Variants in ITGB4 observed in about 807,000 individuals in gnomAD.
ITGB4 encodes the protein integrin beta-4.
Under a neutral mutation model 207.6 loss-of-function variants are expected in ITGB4, and 159 were observed. The ratio of observed to expected loss-of-function variants is 0.77; its 90% CI spans 0.67 to 0.87. ITGB4 has a LOEUF of 0.87. ITGB4 is among the 40% of genes least tolerant of loss of function. ITGB4 has a pLI of 0.00. For synonymous variants in ITGB4, 1,020 were observed against 1,062.7 expected, an observed-to-expected ratio of 0.96 and a Z score of 0.78; for missense variants, 2,278 against 2,546.8, an observed-to-expected ratio of 0.89 and a Z score of 2.27.
rs1440514895 is a variant in ITGB4, at chr17:75,732,601, G to C, written c.1454+362G>C. Among the ~76,000 whole-genome samples the C allele has an allele frequency of 6.6e-6, 1 of 152,140 alleles. No homozygotes were observed. Among genetic ancestry groups the C allele is most frequent in the Admixed American group, 6.6e-5 (1 of 15,256 alleles). ...CCTGATCAGAAGAGAGCTCGTAAAT[G>C]CACGGCAGTAAGGGCTTTAGCTTCA... On this transcript the variant is annotated intron_variant, in intron 12 of 39. Transcript: ENST00000200181. The surrounding 1 kb of genome is among the most constrained non-coding windows in gnomAD (Gnocchi z 5.3).
At position 75,743,878 on chromosome 17, in the gene ITGB4, G is replaced by A; in HGVS notation, c.3111+17G>A. ...GGCAACCGGGTGAGGCTGCGCCACA[G>A]GGTCGAGGGTGCAGCCCGGGGGGCT... On this transcript the variant is annotated intron_variant, in intron 26 of 39. Coordinates refer to ENST00000200181, the MANE Select transcript of ITGB4 (RefSeq NM_000213.5). The A allele has an allele frequency of 5.1e-6, 8 of 1,564,936 alleles. No homozygotes were observed. Among genetic ancestry groups the A allele is most frequent in the Non-Finnish European group, 6.9e-6 (8 of 1,155,418 alleles).
Position 75,742,353 on chromosome 17 carries a change from C to G in ITGB4, c.2646C>G (p.Thr882=), listed in dbSNP as rs2061129904. 6.2e-7 allele frequency: 1 copy of G among 1,613,310 alleles called. No individual in the cohort carries two copies. Among genetic ancestry groups the G allele is most frequent in the Non-Finnish European group, 8.5e-7 (1 of 1,180,054 alleles). Residue 882 remains threonine (T), a synonymous_variant, in exon 24 of 40, where the codon ACC becomes ACG. Coordinates refer to ENST00000200181, the MANE Select transcript of ITGB4 (RefSeq NM_000213.5). This position sits in a 1 kb window ranked among gnomAD's most constrained non-coding sequence, Gnocchi z 5.9. The stretch of plus-strand genomic sequence containing the variant: ...ACCCTCGACCCAGGCAAGACCACAC[C>G]ATTGTGGACACAGTGCTGATGGCGC... ...QPNAGKKQDH[T]IVDTVLMAPR...
chr17:75,745,671 G>A (rs567987718), intron 26 of ITGB4, among the ~76,000 whole-genome samples: 20 of 152,210 alleles, frequency 1.3e-4, no homozygotes, highest in African/African-American at 4.3e-4. Flanking sequence ...CTGAGGTCAC[G>A]AGTTCGAGAC....
chr17:75,730,573 T>TCTCCCTTC, intron 8 of ITGB4, 69 bp downstream of exon 8: 1 of 1,251,876 alleles, frequency 8.0e-7, no homozygotes, highest in Non-Finnish European at 1.1e-6. Flanking sequence ...CTCAGACACC[T>TCTCCCTTC]CTCCCTCCCT....
In ITGB4 at chr17:75,731,353, C is replaced by G; in HGVS notation, c.1200C>G (p.Ile400Met). Residue 400 changes from isoleucine to methionine, a missense_variant, in exon 10 of 40, where the codon ATC (isoleucine) becomes ATG (methionine). Physicochemically the swap from Ile to Met is conservative, Grantham distance 10. Transcript: ENST00000200181. This position sits in a 1 kb window ranked among gnomAD's most constrained non-coding sequence, Gnocchi z 6.8. ...FQKTRTGSFH[I>M]RRGEVGIYQV... The stretch of plus-strand genomic sequence containing the variant: ...AGACGAGGACTGGGTCCTTTCACAT[C>G]CGGCGGGGGGAAGTGGTACGCCTCT... 1 of 1,612,790 alleles carries G rather than the reference C, an allele frequency of 6.2e-7. No homozygotes were observed. Among genetic ancestry groups the G allele is most frequent in the Non-Finnish European group, 8.5e-7 (1 of 1,179,696 alleles).
rs1211155016 is a variant in ITGB4, at chr17:75,757,693, C to T, written c.*138C>T. On this transcript the variant is annotated 3_prime_UTR_variant, in exon 40 of 40. Coordinates refer to ENST00000200181, the MANE Select transcript of ITGB4 (RefSeq NM_000213.5). Reference sequence around the variant, plus strand: ...GCACAGAGCAGGGGCTAGGTGTCTCCTGGGAGGCATGAAGGGGGCAAGGTC... The same window carrying T: ...GCACAGAGCAGGGGCTAGGTGTCTCTTGGGAGGCATGAAGGGGGCAAGGTC... The T allele has an allele frequency of 3.2e-6, 4 of 1,239,364 alleles. No homozygotes were observed. The highest frequency in any genetic ancestry group is 4.7e-6 in the Non-Finnish European group (4 of 858,620). 76.8% of individuals were successfully genotyped at this position (1,239,364 alleles called of 1,614,324 possible). A position where few individuals can be genotyped will look rare whatever the true frequency, so the allele number is the denominator to read the frequency against.
At position 75,731,734 on chromosome 17, in the gene ITGB4, G is replaced by A. The variant is rs1414604789; in HGVS notation, c.1216-78G>A. On this transcript the variant is annotated intron_variant, in intron 10 of 39. Coordinates refer to ENST00000200181, the MANE Select transcript of ITGB4 (RefSeq NM_000213.5). The surrounding 1 kb of genome is among the most constrained non-coding windows in gnomAD (Gnocchi z 6.8). ...CCAGACATCTCCTAGGAACTTGGGG[G>A]CCGAGGGCCTTCAGGCATCGATGGC... 6.9e-7 allele frequency: 1 copy of A among 1,449,402 alleles called. No individual in the cohort carries two copies. The highest frequency in any genetic ancestry group is 1.4e-5 in the African/African-American group (1 of 70,924). 89.8% of individuals were successfully genotyped at this position (1,449,402 alleles called of 1,614,324 possible).
chr17:75,724,844 C>G, intron 2 of ITGB4, 62 bp downstream of exon 2: 1 of 1,385,628 alleles, frequency 7.2e-7, no homozygotes, highest in East Asian at 2.3e-5. Context: ...AGGCATTGCC[C>G]TTGCACGGGG....
rs2061390581 is a variant in ITGB4 at position 75,752,449 on chromosome 17, C to T, written c.3980C>T (p.Pro1327Leu). The change falls in exon 32 of 40, where the codon CCC (proline) becomes CTC (leucine). Residue 1327 changes from proline to leucine, a missense_variant. By Grantham distance (98) the Pro-to-Leu change is moderately conservative. Coordinates refer to ENST00000200181, the MANE Select transcript of ITGB4 (RefSeq NM_000213.5). ...ATQPKRPMSI[P>L]IIPDIPIVDA... Reference sequence around the variant, plus strand: ...GGCTCACTCCCCTGCCCTGCAGTCCCCATCATCCCTGACATCCCTATCGTG... The same window carrying T: ...GGCTCACTCCCCTGCCCTGCAGTCCTCATCATCCCTGACATCCCTATCGTG... The T allele has an allele frequency of 1.2e-6, 2 of 1,613,430 alleles. No homozygotes were observed. The highest frequency in any genetic ancestry group is 2.2e-5 in the East Asian group (1 of 44,878).
chr17:75,743,863 T>C lies in ITGB4; in HGVS notation c.3111+2T>C, dbSNP rs755652842. The C allele has an allele frequency of 6.3e-7, 1 of 1,578,498 alleles. No individual in the cohort carries two copies. Among genetic ancestry groups the C allele is most frequent in the Non-Finnish European group, 8.6e-7 (1 of 1,163,024 alleles). On this transcript the variant is annotated splice_donor_variant, in intron 26 of 39. Coordinates refer to ENST00000200181, the MANE Select transcript of ITGB4 (RefSeq NM_000213.5). LOFTEE classifies it high-confidence loss of function. ...GATGGCACCGCGCAGGGCAACCGGGTGAGGCTGCGCCACAGGGTCGAGGGT... is the reference window on the plus strand; with the variant it reads ...GATGGCACCGCGCAGGGCAACCGGGCGAGGCTGCGCCACAGGGTCGAGGGT...
At chr17:75,734,322 G>C (rs1175162747) in intron 13 of ITGB4, among the ~76,000 whole-genome samples, 1 of 151,858 alleles carries the variant, frequency 6.6e-6, no homozygotes, top group African/African-American at 2.4e-5. Context: ...TTTTAGTAGA[G>C]ACAGGGTTTC....
In ITGB4 at chr17:75,740,537, C is replaced by A; in HGVS notation, c.2550+76C>A. The A allele has an allele frequency of 2.4e-6, 3 of 1,253,474 alleles. No homozygotes were observed. Among genetic ancestry groups the A allele is most frequent in the Non-Finnish European group, 3.5e-6 (3 of 861,628 alleles). The allele number at this position is 1,253,474 out of a possible 1,614,324, so 77.6% of individuals were successfully genotyped here. A position where few individuals can be genotyped will look rare whatever the true frequency, so the allele number is the denominator to read the frequency against. On this transcript the variant is annotated intron_variant, in intron 21 of 39. Transcript: ENST00000200181. This position sits in a 1 kb window ranked among gnomAD's most constrained non-coding sequence, Gnocchi z 5.9. ...TGAGGTGGGCAGGGCAGAGCGAATG[C>A]GGTCGTGGTACCGAGATTCATTAAC...
intron 35 of ITGB4, 145 bp downstream of exon 35, chr17:75,755,995 A>C: frequency 9.9e-7 from 1 of 1,013,096 alleles, no homozygotes. Context: ...AGGGTCTCCC[A>C]CCCCATTCTC....
Position 75,737,302 on chromosome 17 carries a change from C to A in ITGB4, c.1991-20C>A. The stretch of plus-strand genomic sequence containing the variant: ...GGAGGGGTGTGGCTGGGGTGCCCTG[C>A]TGACTGGCTGTGGGTACAGCCGAGG... On this transcript the variant is annotated intron_variant, in intron 16 of 39. Coordinates refer to ENST00000200181, the MANE Select transcript of ITGB4 (RefSeq NM_000213.5). 1.9e-6 allele frequency: 3 copies of A among 1,584,438 alleles called. No individual in the cohort carries two copies. Among genetic ancestry groups the A allele is most frequent in the Non-Finnish European group, 2.6e-6 (3 of 1,166,002 alleles).
At position 75,754,609 on chromosome 17, in the gene ITGB4, T is replaced by G; in HGVS notation, c.4352T>G (p.Phe1451Cys). The G allele has an allele frequency of 6.2e-7, 1 of 1,613,856 alleles. No homozygotes were observed. Among genetic ancestry groups the G allele is most frequent in the Non-Finnish European group, 8.5e-7 (1 of 1,179,974 alleles). ...HLVNGRMDFA[F>C]PGSTNSLHRM... ...GTGAATGGCCGGATGGACTTTGCCT[T>G]CCCGGGCAGCACCAACTCCCTGCAC... The change falls in exon 34 of 40, where the codon TTC becomes TGC. Residue 1451 changes from phenylalanine (F) to cysteine (C), a missense_variant. Transcript: ENST00000200181.
intron 32 of ITGB4, 39 bp from the exon 33 acceptor site, chr17:75,753,726 C>T (rs748722444): frequency 4.5e-6 from 6 of 1,334,906 alleles, no homozygotes; most frequent in Non-Finnish European, 5.8e-6. Context: ...GGCCCGGCGC[C>T]CCCCGGCGGT....
In ITGB4 at chr17:75,740,818, C is replaced by T. The variant is rs754626205; in HGVS notation, c.2576C>T (p.Ser859Phe). 1.2e-5 allele frequency: 19 copies of T among 1,613,550 alleles called. 1 individual carries two copies. In the South Asian group the frequency reaches 2.1e-4, roughly 18 times the overall value. Residue 859 changes from serine to phenylalanine, a missense_variant, in exon 22 of 40, where the codon TCC (serine) becomes TTC (phenylalanine). Physicochemically the swap from Ser to Phe is radical, Grantham distance 155. Transcript: ENST00000200181. The surrounding 1 kb of genome is among the most constrained non-coding windows in gnomAD (Gnocchi z 5.9). ...CTGAACGAGGTCTACAGGCAGATCTCCGGTGTACACAAGCTCCAGCAGACC... is the reference window on the plus strand; with the variant it reads ...CTGAACGAGGTCTACAGGCAGATCTTCGGTGTACACAAGCTCCAGCAGACC... Reference protein sequence around the residue: ...ENLNEVYRQISGVHKLQQTKF... With the variant: ...ENLNEVYRQIFGVHKLQQTKF...
rs2060913348 is a variant in ITGB4, at chr17:75,733,679, G to T, written c.1644G>T (p.Gly548=). 6.2e-7 allele frequency: 1 copy of T among 1,614,060 alleles called. No individual in the cohort carries two copies. The highest frequency in any genetic ancestry group is 8.5e-7 in the Non-Finnish European group (1 of 1,180,024). The change falls in exon 13 of 40, where the codon GGG becomes GGT. Residue 548 remains glycine (G), a synonymous_variant. Transcript: ENST00000200181. ...ACTTCCAGTGTCCCCGCACTTCCGGGTTCCTCTGCAATGGTGAGCACAACA... is the reference window on the plus strand; with the variant it reads ...ACTTCCAGTGTCCCCGCACTTCCGGTTTCCTCTGCAATGGTGAGCACAACA... The part of the protein sequence containing the change: ...YDNFQCPRTS[G]FLCNDRGRCS...
At chr17:75,741,801 G>A (rs560946463) in intron 23 of ITGB4, among the ~76,000 whole-genome samples, 10 of 149,512 alleles carry the variant, frequency 6.7e-5, no homozygotes, top group Admixed American at 6.7e-4. Flanking sequence ...GTGAGAATCC[G>A]TCTTGAAAAA....
Sources: allele counts gnomAD v4.1 joint callset (sites outside exome capture counted in the v4.1 genomes callset), GRCh38; gene constraint gnomAD v4.1.1; non-coding constraint Gnocchi (gnomAD v3.1); transcripts MANE v1.5; gene names NCBI Gene and HGNC (gene_info 2026-07-23, HGNC 2026-07-21).